FRY: variants seen among roughly 807,000 people sequenced by gnomAD.
The protein encoded by FRY is FRY microtubule binding protein.
A neutral mutation model predicts 348.4 loss-of-function variants in FRY; 128 were observed. That is an observed-to-expected ratio of 0.37 (90% CI 0.32 to 0.43). The LOEUF is 0.43. Ranked by LOEUF, FRY falls within the 20% of genes least tolerant of loss-of-function variation. FRY has a pLI of 1.00. For synonymous variants in FRY, 1,370 were observed against 1,374.7 expected, an observed-to-expected ratio of 1.00 and a Z score of 0.08; for missense variants, 2,736 against 3,695.2, an observed-to-expected ratio of 0.74 and a Z score of 6.73.
intron 4 of FRY, among the ~76,000 whole-genome samples, chr13:32,118,453 T>G (rs1237523369): frequency 6.6e-6 from 1 of 152,172 alleles, no homozygotes; most frequent in Non-Finnish European, 1.5e-5. Context: ...AATTGTAACA[T>G]TACCATGTTA....
chr13:32,228,397 A>T, intron 39 of FRY, 59 bp from the exon 40 acceptor site: 1 of 1,254,072 alleles, frequency 8.0e-7, no homozygotes. Context: ...GGACCTCATT[A>T]AGCATGCTGA....
At position 32,154,373 on chromosome 13, in the gene FRY, C is replaced by G. The variant is rs368690984; in HGVS notation, c.1480-1118C>G. On this transcript the variant is annotated intron_variant, in intron 14 of 60. Transcript: ENST00000542859. ...TGAGCCAGAGAAATATTTAGCAAAT[C>G]CTGGTTGAATTATGATAACTCCTTA... 1.1e-3 allele frequency among the ~76,000 whole-genome samples: 164 copies of G among 152,154 alleles called. 2 individuals carry two copies. The highest frequency in any genetic ancestry group is 3.7e-3 in the African/African-American group (155 of 41,514).
At chr13:32,295,164 A>T (rs1267399777) in intron 60 of FRY, 38 bp from the exon 61 acceptor site, 1 of 1,606,780 alleles carries the variant, frequency 6.2e-7, no homozygotes. Context: ...TTTGTGACTA[A>T]TAGTGCCTCT....
intron 1 of FRY, among the ~76,000 whole-genome samples, chr13:32,062,096 T>C (rs1489018300): frequency 6.6e-6 from 1 of 151,896 alleles, no homozygotes; most frequent in Non-Finnish European, 1.5e-5. Flanking sequence ...GCCTTCTGTT[T>C]CTAGGAAAAA....
chr13:32,226,808 T>C (rs1481865580), intron 39 of FRY, among the ~76,000 whole-genome samples: 1 of 152,248 alleles, frequency 6.6e-6, no homozygotes, highest in Non-Finnish European at 1.5e-5. Flanking sequence ...GATGTTAACA[T>C]AGTTGTTTGG....
Position 32,239,602 on chromosome 13 carries a change from AAG to A in FRY, c.6517-108_6517-107del. The A allele has an allele frequency of 1.2e-6, 1 of 802,918 alleles. No individual in the cohort carries two copies. The highest frequency in any genetic ancestry group is 2.1e-6 in the Non-Finnish European group (1 of 478,858). 49.7% of individuals were successfully genotyped at this position (802,918 alleles called of 1,614,324 possible). On this transcript the variant is annotated intron_variant, in intron 45 of 60. Transcript: ENST00000542859. The surrounding 1 kb of genome is among the most constrained non-coding windows in gnomAD (Gnocchi z 4.3). ...CTAAGTATTTCCTGTAATTACCAAA[AAG>A]TGTATCAATCTACTTTCCAGATGGC...
At chr13:32,218,677 C>CAA (rs10717683) in intron 35 of FRY, 72 bp from the exon 36 acceptor site, 6,201 of 571,128 alleles carry the variant, frequency 0.011, 22 homozygotes, top group South Asian at 0.015. Context: ...GACTCCAACT[C>CAA]AAAAAAAAAA....
chr13:32,033,919 G>A (rs545403225), intron 1 of FRY, among the ~76,000 whole-genome samples: 12 of 152,272 alleles, frequency 7.9e-5, no homozygotes, highest in African/African-American at 2.9e-4. Context: ...TACATATTTT[G>A]AGCAGCAAAG....
intron 17 of FRY, among the ~76,000 whole-genome samples, chr13:32,164,284 C>T (rs551807809): frequency 3.2e-4 from 48 of 152,276 alleles, no homozygotes; most frequent in African/African-American, 1.1e-3. Flanking sequence ...AGGAGTGAGA[C>T]CTGTTATTTC....
chr13:32,260,147 C>A lies in FRY; in HGVS notation c.7417-1469C>A, dbSNP rs546829670. On this transcript the variant is annotated intron_variant, in intron 51 of 60. Transcript: ENST00000542859. ...TTGTTTCACTAGGAGACAGACACGA[C>A]CCTCTGCTTTAAAACAGAGGGAAAT... is the stretch of plus-strand genomic sequence containing the variant. Among the ~76,000 whole-genome samples, 4 of 152,312 alleles carry A rather than the reference C, an allele frequency of 2.6e-5. No individual in the cohort carries two copies. In the South Asian group the frequency reaches 8.3e-4, roughly 32 times the overall value.
At chr13:32,145,597 T>C (rs1248815059) in intron 11 of FRY, among the ~76,000 whole-genome samples, 1 of 143,152 alleles carries the variant, frequency 7.0e-6, no homozygotes, top group African/African-American at 2.6e-5. Flanking sequence ...GACTGCGGAC[T>C]GCAGTGGTGC....
chr13:32,064,300 C>T (rs1874113670), intron 1 of FRY, among the ~76,000 whole-genome samples: 1 of 152,068 alleles, frequency 6.6e-6, no homozygotes, highest in South Asian at 2.1e-4. Context: ...AGTTCTCTTC[C>T]ACTTTGAAGG....
rs117054859 is a variant in FRY, at chr13:32,191,679, T to C, written c.3592-2464T>C. Among the ~76,000 whole-genome samples the C allele has an allele frequency of 9.9e-3, 1,513 of 152,330 alleles. 13 individuals are homozygous for C. The highest frequency in any genetic ancestry group is 0.016 in the Non-Finnish European group (1,114 of 68,032). On this transcript the variant is annotated intron_variant, in intron 28 of 60. Coordinates refer to ENST00000542859, the MANE Select transcript of FRY (RefSeq NM_023037.3). ...GTTAAGGTGCTGGCAGATTTATGTC[T>C]GGTGAGGGCCTTTTTCCTGGTTCAC...
chr13:32,153,649 C>G lies in FRY; in HGVS notation c.1480-1842C>G, dbSNP rs971275145. ...GTTTCTCTAAACTCAAACAACTGTA[C>G]AACTAAAAGGAGAGACATTTAGTAC... On this transcript the variant is annotated intron_variant, in intron 14 of 60. Transcript: ENST00000542859. 2.0e-5 allele frequency among the ~76,000 whole-genome samples: 3 copies of G among 152,074 alleles called. No homozygotes were observed. The East Asian group carries it at 5.8e-4, about 29-fold the overall frequency.
rs1395480566 is a variant in FRY, at chr13:32,157,420, G to A, written c.1784+15G>A. 2 of 1,610,200 alleles carry A rather than the reference G, an allele frequency of 1.2e-6. No homozygotes were observed. The highest frequency in any genetic ancestry group is 1.7e-5 in the Admixed American group (1 of 59,986). On this transcript the variant is annotated intron_variant, in intron 16 of 60. Transcript: ENST00000542859. ...GACATGATCACGTGAGTACAGTAAAGACTAAGTTATCAGTGAAAGATTAAC... is the reference window on the plus strand; with the variant it reads ...GACATGATCACGTGAGTACAGTAAAAACTAAGTTATCAGTGAAAGATTAAC...
chr13:32,095,155 T>C (rs1712792114), intron 2 of FRY, among the ~76,000 whole-genome samples: 1 of 151,800 alleles, frequency 6.6e-6, no homozygotes, highest in South Asian at 2.1e-4. Context: ...TTTTAAGAAA[T>C]GTCTAGTCAA....
chr13:32,278,973 G>A (rs979202672), intron 58 of FRY, among the ~76,000 whole-genome samples: 2 of 152,100 alleles, frequency 1.3e-5, no homozygotes, highest in South Asian at 4.1e-4. Flanking sequence ...TCAGTCCAGT[G>A]TGCCGTACTA....
intron 1 of FRY, among the ~76,000 whole-genome samples, chr13:32,072,715 G>A (rs993679432): frequency 5.9e-5 from 9 of 152,096 alleles, no homozygotes; most frequent in African/African-American, 1.9e-4. Context: ...CTGTACTGCT[G>A]GTAAACAAAT....
intron 55 of FRY, among the ~76,000 whole-genome samples, chr13:32,268,505 A>AATATAT (rs869298149): frequency 8.1e-4 from 23 of 28,288 alleles, no homozygotes; most frequent in East Asian, 1.2e-3. Context: ...AAAAAAAAAA[A>AATATAT]ATATATATAT....
Sources: allele counts gnomAD v4.1 joint callset (sites outside exome capture counted in the v4.1 genomes callset), GRCh38; gene constraint gnomAD v4.1.1; non-coding constraint Gnocchi (gnomAD v3.1); transcripts MANE v1.5; gene names NCBI Gene and HGNC (gene_info 2026-07-23, HGNC 2026-07-21).